Variants in NRXN3 observed in about 807,000 individuals in gnomAD.
NRXN3 encodes neurexin 3.
In NRXN3, 32 loss-of-function variants were observed where a neutral mutation model predicts 137.6. That is an observed-to-expected ratio of 0.23 (90% confidence interval 0.18 to 0.31). NRXN3 has a LOEUF of 0.31. NRXN3 is among the 10% of genes least tolerant of loss of function. NRXN3 has a pLI of 1.00. For synonymous variants in NRXN3, 798 were observed against 784.5 expected, an observed-to-expected ratio of 1.02 and a Z score of -0.29; for missense variants, 1,574 against 2,062.5, an observed-to-expected ratio of 0.76 and a Z score of 4.59.
At chr14:79,301,730 G>GGTGTGT (rs112815653) in intron 15 of NRXN3, among the ~76,000 whole-genome samples, 18 of 150,760 alleles carry the variant, frequency 1.2e-4, no homozygotes, top group African/African-American at 3.6e-4. Flanking sequence ...GTATTTGTGG[G>GGTGTGT]GTGTGTGTGT....
At chr14:78,930,755 A>G (rs1368101838) in intron 10 of NRXN3, among the ~76,000 whole-genome samples, 2 of 152,324 alleles carry the variant, frequency 1.3e-5, no homozygotes, top group South Asian at 4.1e-4. Flanking sequence ...TCTTTCCCCA[A>G]GGTTGTCTCC....
rs187272880 is a variant in NRXN3, at chr14:79,498,213, C to G, written c.3444+30811C>G. 5.9e-5 allele frequency among the ~76,000 whole-genome samples: 9 copies of G among 152,294 alleles called. No homozygotes were observed. The East Asian group carries it at 1.7e-3, about 29-fold the overall frequency. ...AAATAGATGAAAGTTAAACATTAGTCACTAATTCATCTCATAAACCTACTT... is the reference window on the plus strand; with the variant it reads ...AAATAGATGAAAGTTAAACATTAGTGACTAATTCATCTCATAAACCTACTT... On this transcript the variant is annotated intron_variant, in intron 16 of 20. Coordinates refer to ENST00000335750, the MANE Select transcript of NRXN3 (RefSeq NM_001330195.2).
chr14:78,478,209 G>A (rs1356493633), intron 4 of NRXN3, among the ~76,000 whole-genome samples: 1 of 152,026 alleles, frequency 6.6e-6, no homozygotes, highest in East Asian at 1.9e-4. Context: ...TAGTGATTTG[G>A]GGGGAAAATG....
At chr14:79,522,883 AG>A (rs2097081563) in intron 16 of NRXN3, among the ~76,000 whole-genome samples, 1 of 152,200 alleles carries the variant, frequency 6.6e-6, no homozygotes. Context: ...TTTCATCTTC[AG>A]TCAGCTATAT....
intron 15 of NRXN3, among the ~76,000 whole-genome samples, chr14:79,014,097 G>C (rs1338935095): frequency 1.3e-5 from 2 of 152,064 alleles, no homozygotes; most frequent in Non-Finnish European, 1.5e-5. Flanking sequence ...AGGAGCAGTG[G>C]GACCTCTCTT....
intron 4 of NRXN3, among the ~76,000 whole-genome samples, chr14:78,362,458 G>T (rs2085272331): frequency 6.6e-6 from 1 of 152,038 alleles, no homozygotes; most frequent in Non-Finnish European, 1.5e-5. Flanking sequence ...AATAATTAAT[G>T]CCTCTCCTTT....
chr14:78,726,392 A>G (rs541417836), intron 8 of NRXN3, among the ~76,000 whole-genome samples: 1 of 151,254 alleles, frequency 6.6e-6, no homozygotes, highest in African/African-American at 2.4e-5. Context: ...CCCTGTGTCC[A>G]TGTGTTCTCA....
intron 10 of NRXN3, among the ~76,000 whole-genome samples, chr14:78,915,345 C>CAAAAAAAAAAAAAAAAAA (rs35908076): frequency 8.9e-5 from 1 of 11,190 alleles, no homozygotes; most frequent in Non-Finnish European, 1.9e-4. Flanking sequence ...ACGTGTGAAG[C>CAAAAAAAAAAAAAAAAAA]AAAAAAAAAA....
At chr14:79,806,290 A>G (rs550111476) in intron 20 of NRXN3, among the ~76,000 whole-genome samples, 6 of 152,212 alleles carry the variant, frequency 3.9e-5, no homozygotes, top group African/African-American at 1.4e-4. Flanking sequence ...TAATAAAAAT[A>G]AAAACCTTCC....
intron 4 of NRXN3, among the ~76,000 whole-genome samples, chr14:78,591,498 C>A (rs2097115773): frequency 6.6e-6 from 1 of 152,072 alleles, no homozygotes; most frequent in Non-Finnish European, 1.5e-5. Flanking sequence ...TGGCCCTGGG[C>A]AAGTCACTGA....
At chr14:79,710,800 A>G (rs2098800788) in intron 19 of NRXN3, among the ~76,000 whole-genome samples, 1 of 152,140 alleles carries the variant, frequency 6.6e-6, no homozygotes, top group African/African-American at 2.4e-5. Flanking sequence ...TATGGAGAAC[A>G]TTTTCTATTC....
intron 15 of NRXN3, among the ~76,000 whole-genome samples, chr14:79,013,034 G>A (rs191784212): frequency 4.6e-5 from 7 of 152,240 alleles, no homozygotes; most frequent in African/African-American, 1.4e-4. Context: ...AGGTGGTAGC[G>A]AAACACATGG....
chr14:79,259,597 A>C (rs374428154), intron 15 of NRXN3, among the ~76,000 whole-genome samples: 2 of 148,060 alleles, frequency 1.4e-5, no homozygotes, highest in Non-Finnish European at 1.5e-5. Context: ...ATAGAGTTAT[A>C]TATATATAGC....
chr14:78,973,474 A>G (rs1441921211), intron 14 of NRXN3, among the ~76,000 whole-genome samples: 1 of 152,198 alleles, frequency 6.6e-6, no homozygotes, highest in Non-Finnish European at 1.5e-5. Context: ...CACTAATGTC[A>G]TTAAAATGTT....
intron 1 of NRXN3, among the ~76,000 whole-genome samples, chr14:78,188,098 G>A (rs2060394494): frequency 6.6e-6 from 1 of 152,166 alleles, no homozygotes; most frequent in Non-Finnish European, 1.5e-5. Flanking sequence ...GGAGAAACAG[G>A]ATGGATTAAA....
intron 16 of NRXN3, among the ~76,000 whole-genome samples, chr14:79,545,909 T>A (rs546689083): frequency 6.6e-6 from 1 of 152,136 alleles, no homozygotes; most frequent in African/African-American, 2.4e-5. Flanking sequence ...TGAATTCCCA[T>A]GTGTTGTGGG....
chr14:79,718,230 G>A lies in NRXN3; in HGVS notation c.4014+20293G>A, dbSNP rs561792952. Among the ~76,000 whole-genome samples, 29 of 152,274 alleles carry A rather than the reference G, an allele frequency of 1.9e-4. No individual in the cohort carries two copies. In the East Asian group the frequency reaches 5.0e-3, roughly 26 times the overall value. ...GTCAGGTCTGTGAAGTCTGGGGGAAGAACATTTACAGCAGAGGGAACGGTT... is the reference window on the plus strand; with the variant it reads ...GTCAGGTCTGTGAAGTCTGGGGGAAAAACATTTACAGCAGAGGGAACGGTT... On this transcript the variant is annotated intron_variant, in intron 19 of 20. Coordinates refer to ENST00000335750, the MANE Select transcript of NRXN3 (RefSeq NM_001330195.2).
intron 19 of NRXN3, among the ~76,000 whole-genome samples, chr14:79,770,287 C>A (rs369813370): frequency 0.022 from 3,290 of 151,630 alleles, 56 homozygotes; most frequent in Non-Finnish European, 0.035. Flanking sequence ...ATAGACATCT[C>A]CAGAACTCTC....
In NRXN3 at chr14:79,679,710, A is replaced by G. The variant is rs546405110; in HGVS notation, c.3617-12463A>G. Reference sequence around the variant, plus strand: ...TAATTTCATAGGAAAAAAATACTTTAAGGACTAATATTCAATACAGAGTAG... The same window carrying G: ...TAATTTCATAGGAAAAAAATACTTTGAGGACTAATATTCAATACAGAGTAG... On this transcript the variant is annotated intron_variant, in intron 17 of 20. Transcript: ENST00000335750. Among the ~76,000 whole-genome samples, 22 of 152,314 alleles carry G rather than the reference A, an allele frequency of 1.4e-4. No individual in the cohort carries two copies. In the South Asian group the frequency reaches 3.9e-3, roughly 27 times the overall value.
Sources: gnomAD v4.1 joint callset for allele counts (sites outside exome capture counted in the v4.1 genomes callset) on GRCh38, gnomAD v4.1.1 for gene constraint, MANE v1.5 for transcripts, NCBI Gene and HGNC (gene_info 2026-07-23, HGNC 2026-07-21) for gene names.